Variants in PRKG1 observed in about 807,000 individuals in gnomAD.
The protein encoded by PRKG1 is protein kinase cGMP-dependent 1.
PRKG1 carries 35 observed loss-of-function variants against 88.1 expected under a neutral mutation model. The observed-to-expected ratio is 0.40, with a 90% CI of 0.30 to 0.53. PRKG1 has a LOEUF of 0.53. PRKG1 is among the 20% of genes least tolerant of loss of function. The probability of loss-of-function intolerance (pLI) is 0.59; values close to 1 mark genes in which losing one functional copy is unlikely to be tolerated. For synonymous variants in PRKG1, 303 were observed against 292.5 expected (o/e 1.04, Z -0.37); for missense variants, 540 against 839.8 (o/e 0.64, Z 4.41).
intron 8 of PRKG1, among the ~76,000 whole-genome samples, chr10:52,151,670 G>T (rs763957732): frequency 1.4e-4 from 22 of 152,230 alleles, no homozygotes; most frequent in Non-Finnish European, 3.1e-4. Flanking sequence ...TATGTCCATT[G>T]CATGGACCAT....
chr10:51,991,368 C>G (rs1347065987), intron 5 of PRKG1, among the ~76,000 whole-genome samples: 5 of 151,716 alleles, frequency 3.3e-5, no homozygotes, highest in Admixed American at 2.6e-4. Flanking sequence ...AGTAGTCATC[C>G]TTGTCTTTTC....
intron 2 of PRKG1, among the ~76,000 whole-genome samples, chr10:51,211,411 A>C (rs1185812878): frequency 1.3e-5 from 2 of 152,340 alleles, no homozygotes; most frequent in Middle Eastern, 6.8e-3. Context: ...GGCACAAGAC[A>C]GGGATGCCCT....
chr10:52,218,382 G>T (rs1840165770), intron 9 of PRKG1, among the ~76,000 whole-genome samples: 1 of 151,890 alleles, frequency 6.6e-6, no homozygotes, highest in Non-Finnish European at 1.5e-5. Flanking sequence ...CAGAATCCAA[G>T]AAATTCTCAT....
chr10:51,847,802 G>A (rs1840438506), intron 4 of PRKG1, among the ~76,000 whole-genome samples: 2 of 119,762 alleles, frequency 1.7e-5, no homozygotes, highest in Admixed American at 2.1e-4. Context: ...AGGAGTTTGA[G>A]GCCAGCCTGG....
intron 2 of PRKG1, among the ~76,000 whole-genome samples, chr10:51,270,124 T>C (rs528833291): frequency 2.4e-4 from 36 of 152,168 alleles, no homozygotes; most frequent in South Asian, 4.2e-4. Flanking sequence ...GTTGATAGCT[T>C]ATGCTTGTAG....
intron 7 of PRKG1, among the ~76,000 whole-genome samples, chr10:52,067,962 T>C (rs1846396025): frequency 9.5e-6 from 1 of 105,006 alleles, no homozygotes; most frequent in South Asian, 4.0e-4. Context: ...CCCAGCACTT[T>C]GGGAGGCCGA....
intron 2 of PRKG1, among the ~76,000 whole-genome samples, chr10:51,238,517 G>A (rs1287279856): frequency 6.6e-6 from 1 of 152,082 alleles, no homozygotes; most frequent in Non-Finnish European, 1.5e-5. Context: ...GGGAGGAGGA[G>A]GTTGCAGTGA....
chr10:51,334,729 T>C (rs910959427), intron 2 of PRKG1, among the ~76,000 whole-genome samples: 2 of 151,762 alleles, frequency 1.3e-5, no homozygotes, highest in Non-Finnish European at 2.9e-5. Flanking sequence ...AGAGAGAGGG[T>C]AAAGGAGGGA....
At chr10:51,554,068 T>TTATATGTGCGTATGTGATACGTGTA (rs1331886819) in intron 3 of PRKG1, among the ~76,000 whole-genome samples, 4 of 132,668 alleles carry the variant, frequency 3.0e-5, no homozygotes, top group African/African-American at 1.2e-4. Flanking sequence ...CGTGTATATA[T>TTATATGTGCGTATGTGATACGTGTA]TATATGTGCG....
At chr10:51,171,824 C>G (rs371033255) in intron 2 of PRKG1, among the ~76,000 whole-genome samples, 1 of 152,026 alleles carries the variant, frequency 6.6e-6, no homozygotes, top group Non-Finnish European at 1.5e-5. Context: ...TTCCAGCACA[C>G]AGCACATGTT....
chr10:51,711,537 C>A (rs1304900441), intron 3 of PRKG1, among the ~76,000 whole-genome samples: 1 of 152,182 alleles, frequency 6.6e-6, no homozygotes, highest in Admixed American at 6.5e-5. Context: ...TTCCTGTTGT[C>A]TAGGTAGAGG....
chr10:51,618,485 T>C (rs1839121900), intron 3 of PRKG1, among the ~76,000 whole-genome samples: 1 of 152,196 alleles, frequency 6.6e-6, no homozygotes, highest in East Asian at 1.9e-4. Flanking sequence ...ATTGTCATCA[T>C]TGCAGAAAAA....
intron 3 of PRKG1, among the ~76,000 whole-genome samples, chr10:51,602,768 GTGTGTGTGTGTGTATA>G (rs1404767898): frequency 3.2e-5 from 4 of 124,214 alleles, no homozygotes; most frequent in African/African-American, 1.5e-4. Flanking sequence ...GTGTGTGTGT[GTGTGTGTGTGTGTATA>G]TATTCATATA....
chr10:51,318,080 C>G (rs1345871266), intron 2 of PRKG1, among the ~76,000 whole-genome samples: 1 of 152,118 alleles, frequency 6.6e-6, no homozygotes, highest in Admixed American at 6.6e-5. Context: ...GTTTCCCTGG[C>G]CAAATTATCC....
At chr10:51,224,450 G>C (rs980567993) in intron 2 of PRKG1, among the ~76,000 whole-genome samples, 7 of 152,214 alleles carry the variant, frequency 4.6e-5, no homozygotes, top group Admixed American at 4.6e-4. Flanking sequence ...CAGAGATTTA[G>C]CAGATAGTGA....
intron 3 of PRKG1, among the ~76,000 whole-genome samples, chr10:51,669,762 A>C (rs1201949081): frequency 6.6e-6 from 1 of 152,198 alleles, no homozygotes; most frequent in Non-Finnish European, 1.5e-5. Context: ...TTTTTAAAAA[A>C]ATAATTCATT....
At chr10:51,128,260 A>T (rs1292646169) in intron 1 of PRKG1, among the ~76,000 whole-genome samples, 1 of 151,996 alleles carries the variant, frequency 6.6e-6, no homozygotes, top group South Asian at 2.1e-4. Flanking sequence ...TCGCTATCTA[A>T]TTTAATTGAA....
intron 4 of PRKG1, among the ~76,000 whole-genome samples, chr10:51,852,089 A>G (rs1840569109): frequency 6.6e-6 from 1 of 151,250 alleles, no homozygotes; most frequent in African/African-American, 2.4e-5. Flanking sequence ...TCTAAGTTAT[A>G]TAGATAAAAC....
chr10:51,036,589 A>G (rs1313998465), intron 1 of PRKG1, among the ~76,000 whole-genome samples: 2 of 152,156 alleles, frequency 1.3e-5, no homozygotes, highest in African/African-American at 4.8e-5. Context: ...CATGCTTTTC[A>G]TCAATAGCTT....
Sources: gnomAD v4.1 joint callset for allele counts (sites outside exome capture counted in the v4.1 genomes callset) on GRCh38, gnomAD v4.1.1 for gene constraint, MANE v1.5 for transcripts, NCBI Gene and HGNC (gene_info 2026-07-23, HGNC 2026-07-21) for gene names.